MYT1L: variants seen among roughly 807,000 people sequenced by gnomAD.
The protein encoded by MYT1L is myelin transcription factor 1-like protein.
In MYT1L, 12 loss-of-function variants were observed where a neutral mutation model predicts 126.7. That is an observed-to-expected ratio of 0.09 (90% CI 0.06 to 0.15). The LOEUF (loss-of-function observed/expected upper bound fraction) is 0.15. Among genes scored for constraint, MYT1L ranks in the 10% least tolerant of loss-of-function variants. The probability of loss-of-function intolerance (pLI) is 1.00; values close to 1 mark genes in which losing one functional copy is unlikely to be tolerated. For missense variants in MYT1L, 979 were observed against 1,585.2 expected, an observed-to-expected ratio of 0.62 and a Z score of 6.49; for synonymous variants, 541 against 604.2, an observed-to-expected ratio of 0.90 and a Z score of 1.53.
chr2:2,104,617 T>C (rs2078515676), intron 3 of MYT1L, among the ~76,000 whole-genome samples: 1 of 152,232 alleles, frequency 6.6e-6, no homozygotes, highest in Non-Finnish European at 1.5e-5. Context: ...GGTCTCTGCG[T>C]CCAGTTACAT....
rs1472036283 is a variant in MYT1L at position 1,929,451 on chromosome 2, G to A, written c.506-6188C>T. Among the ~76,000 whole-genome samples, 2 of 152,212 alleles carry A rather than the reference G, an allele frequency of 1.3e-5. No individual in the cohort carries two copies. The highest frequency in any genetic ancestry group is 2.9e-5 in the Non-Finnish European group (2 of 68,046). ...CATGGAGGGTGACGCGGCATTGACAGTGGGATGCACGTGTCTTCCCTGCCA... is the reference window on the plus strand; with the variant it reads ...CATGGAGGGTGACGCGGCATTGACAATGGGATGCACGTGTCTTCCCTGCCA... On this transcript the variant is annotated intron_variant, in intron 9 of 24. Transcript: ENST00000647738. The surrounding 1 kb of genome is among the most constrained non-coding windows in gnomAD (Gnocchi z 4.7).
At chr2:2,135,109 T>C (rs1410106623) in intron 3 of MYT1L, among the ~76,000 whole-genome samples, 1 of 152,194 alleles carries the variant, frequency 6.6e-6, no homozygotes, top group Non-Finnish European at 1.5e-5. Context: ...TAATTAATAA[T>C]CAAGCTATCT....
intron 21 of MYT1L, chr2:1,827,121 T>A (rs894285199): frequency 1.3e-5 from 2 of 152,354 alleles, no homozygotes; most frequent in Non-Finnish European, 2.9e-5. Context: ...TTTCCTCTCT[T>A]TTCCCTGAGG....
chr2:1,843,667 A>G (rs1250188704), intron 19 of MYT1L, among the ~76,000 whole-genome samples: 1 of 152,050 alleles, frequency 6.6e-6, no homozygotes, highest in East Asian at 1.9e-4. Flanking sequence ...TTACCCAGGG[A>G]GAATTACGGA....
At chr2:2,074,265 C>G (rs1346587472) in intron 3 of MYT1L, among the ~76,000 whole-genome samples, 1 of 152,124 alleles carries the variant, frequency 6.6e-6, no homozygotes, top group Non-Finnish European at 1.5e-5. Context: ...TTTCTGGTTT[C>G]ACACAAAAGT....
chr2:2,263,277 C>G (rs1027294224), intron 2 of MYT1L, among the ~76,000 whole-genome samples: 26 of 151,830 alleles, frequency 1.7e-4, no homozygotes, highest in African/African-American at 5.8e-4. Flanking sequence ...AAGGGGAACC[C>G]TACTGGCAGA....
At chr2:2,208,631 C>G (rs1168272577) in intron 2 of MYT1L, among the ~76,000 whole-genome samples, 3 of 152,194 alleles carry the variant, frequency 2.0e-5, no homozygotes, top group African/African-American at 7.2e-5. Flanking sequence ...TTATAAATAA[C>G]CTTTTTTCTT....
intron 3 of MYT1L, among the ~76,000 whole-genome samples, chr2:2,166,198 C>G (rs567618167): frequency 2.0e-5 from 3 of 152,230 alleles, no homozygotes; most frequent in African/African-American, 7.2e-5. Flanking sequence ...CTTCCCTCCT[C>G]TCTCTCCCAC....
At chr2:2,272,563 T>A (rs1019694121) in intron 2 of MYT1L, among the ~76,000 whole-genome samples, 1 of 152,056 alleles carries the variant, frequency 6.6e-6, no homozygotes. Flanking sequence ...TGTTAGTGAG[T>A]TCCGACAGGA....
At chr2:2,210,409 A>G (rs959027388) in intron 2 of MYT1L, among the ~76,000 whole-genome samples, 1 of 152,122 alleles carries the variant, frequency 6.6e-6, no homozygotes, top group Non-Finnish European at 1.5e-5. Flanking sequence ...AATTCACTTT[A>G]ATTTGATTTT....
At chr2:2,032,062 C>G in intron 4 of MYT1L, among the ~76,000 whole-genome samples, 2 of 136,196 alleles carry the variant, frequency 1.5e-5, no homozygotes, top group Admixed American at 7.2e-5. Flanking sequence ...TCCTGTGGCC[C>G]AGAGCAGATT....
In MYT1L at chr2:1,943,063, C is replaced by T. The variant is rs1430439055; in HGVS notation, c.424G>A (p.Asp142Asn). The T allele has an allele frequency of 2.0e-6, 3 of 1,463,794 alleles. No individual in the cohort carries two copies. Among genetic ancestry groups the T allele is most frequent in the South Asian group, 1.2e-5 (1 of 82,204 alleles). The allele number at this position is 1,463,794 out of a possible 1,614,324, so 90.7% of individuals were successfully genotyped here. Reference protein sequence around the residue: ...EEEIEEEDEDDDEDGEDVEDE... With the variant: ...EEEIEEEDEDNDEDGEDVEDE... ...TCCACATCTTCTCCATCCTCGTCAT[C>T]GTCCTCATCCTCCTCCTCGATCTCC... is the stretch of plus-strand genomic sequence containing the variant. The change falls in exon 9 of 25, where the codon GAT becomes AAT. Residue 142 changes from aspartate to asparagine, a missense_variant. Physicochemically the swap from Asp to Asn is conservative, Grantham distance 23. This residue lies in a region of MYT1L where 111 missense variants were observed against 115.9 expected (regional missense o/e 0.96). Coordinates refer to ENST00000647738, the MANE Select transcript of MYT1L (RefSeq NM_001303052.2). This position sits in a 1 kb window ranked among gnomAD's most constrained non-coding sequence, Gnocchi z 4.4.
chr2:1,908,085 G>A (rs544544617), intron 13 of MYT1L, among the ~76,000 whole-genome samples: 1 of 152,378 alleles, frequency 6.6e-6, no homozygotes, highest in African/African-American at 2.4e-5. Flanking sequence ...TCCAGCCAGA[G>A]GCACAGAGGA....
chr2:2,288,205 A>C (rs1389631874), intron 1 of MYT1L, among the ~76,000 whole-genome samples: 7 of 152,356 alleles, frequency 4.6e-5, no homozygotes, highest in Non-Finnish European at 2.9e-5. Flanking sequence ...TCAGTTTTAC[A>C]GATCACAGAA....
At chr2:1,965,406 C>T (rs2059271133) in intron 8 of MYT1L, among the ~76,000 whole-genome samples, 1 of 149,398 alleles carries the variant, frequency 6.7e-6, no homozygotes, top group Non-Finnish European at 1.5e-5. Flanking sequence ...AAGAGGAGGA[C>T]CCAGACTCTG....
At position 2,066,971 on chromosome 2, in the gene MYT1L, G is replaced by A. The variant is rs145875997; in HGVS notation, c.-303-12848C>T. ...ATGTTAAAGGAGGCCTGAATCAACG[G>A]AGAGATAAACCACATCGTGATTAGG... On this transcript the variant is annotated intron_variant, in intron 3 of 24. Coordinates refer to ENST00000647738, the MANE Select transcript of MYT1L (RefSeq NM_001303052.2). Among the ~76,000 whole-genome samples, 114 of 152,308 alleles carry A rather than the reference G, an allele frequency of 7.5e-4. 1 individual carries two copies. Among genetic ancestry groups the A allele is most frequent in the Non-Finnish European group, 2.1e-4 (14 of 68,034 alleles).
At chr2:2,248,095 GT>G (rs750570269) in intron 2 of MYT1L, among the ~76,000 whole-genome samples, 10 of 151,228 alleles carry the variant, frequency 6.6e-5, no homozygotes, top group Non-Finnish European at 1.5e-5. Flanking sequence ...CAATGAAACT[GT>G]TTTTTTAAAA....
chr2:1,994,760 A>G (rs1323543695), intron 5 of MYT1L, among the ~76,000 whole-genome samples: 1 of 152,218 alleles, frequency 6.6e-6, no homozygotes, highest in Non-Finnish European at 1.5e-5. Context: ...GTGGTAAAAA[A>G]AATTTAAAAT....
At chr2:2,026,891 G>T (rs1424202634) in intron 4 of MYT1L, among the ~76,000 whole-genome samples, 1 of 152,184 alleles carries the variant, frequency 6.6e-6, no homozygotes, top group East Asian at 1.9e-4. Context: ...GCTCGCCTCT[G>T]TGGGGTTATC....
Sources: gnomAD v4.1 joint callset for allele counts (sites outside exome capture counted in the v4.1 genomes callset) on GRCh38, gnomAD v4.1.1 for gene constraint, gnomAD v4.1.1 regional missense constraint, Gnocchi (gnomAD v3.1) non-coding constraint, MANE v1.5 for transcripts, NCBI Gene and HGNC (gene_info 2026-07-23, HGNC 2026-07-21) for gene names.